The following CCDC178 variants were observed in gnomAD, a reference collection of about 807,000 sequenced individuals.
CCDC178 encodes coiled-coil domain-containing protein 178.
A neutral mutation model predicts 117.4 loss-of-function variants in CCDC178; 126 were observed. That is an observed-to-expected ratio of 1.07 (90% CI 0.93 to 1.24). CCDC178 has a LOEUF of 1.24. Ranked by LOEUF, CCDC178 falls within the 50% of genes most tolerant of loss-of-function variation. The pLI, the probability that CCDC178 is intolerant of heterozygous loss-of-function variation, is 0.00. For synonymous variants in CCDC178, 283 were observed against 313.4 expected (o/e 0.90, Z 1.02); for missense variants, 1,030 against 986.9 (o/e 1.04, Z -0.59).
chr18:33,264,349 A>C (rs9957976), intron 14 of CCDC178, among the ~76,000 whole-genome samples: 25 of 152,066 alleles, frequency 1.6e-4, no homozygotes, highest in African/African-American at 5.8e-4. Context: ...CTTTGTCCTG[A>C]GTTTTAATCT....
chr18:33,427,818 C>T (rs1326969869), intron 2 of CCDC178, among the ~76,000 whole-genome samples: 2 of 152,140 alleles, frequency 1.3e-5, no homozygotes, highest in African/African-American at 4.8e-5. Flanking sequence ...TAAAGAGTGA[C>T]AGGCAATTCA....
At chr18:33,198,627 G>C (rs900874824) in intron 20 of CCDC178, among the ~76,000 whole-genome samples, 5 of 151,976 alleles carry the variant, frequency 3.3e-5, no homozygotes, top group African/African-American at 1.2e-4. Flanking sequence ...CATTTTATGC[G>C]ATTTGTAAAA....
At chr18:33,401,735 C>T (rs894096613) in intron 3 of CCDC178, among the ~76,000 whole-genome samples, 4 of 151,634 alleles carry the variant, frequency 2.6e-5, no homozygotes, top group Admixed American at 2.6e-4. Flanking sequence ...GACAGAAGTT[C>T]AAAGGTAGAT....
At chr18:33,357,016 A>C (rs1599214060) in intron 6 of CCDC178, among the ~76,000 whole-genome samples, 1 of 148,922 alleles carries the variant, frequency 6.7e-6, no homozygotes, top group African/African-American at 2.5e-5. Flanking sequence ...TTTTTTTTTT[A>C]ATGGTGAATT....
At chr18:33,281,097 TATA>T (rs35235042) in intron 12 of CCDC178, among the ~76,000 whole-genome samples, 2 of 145,582 alleles carry the variant, frequency 1.4e-5, no homozygotes, top group African/African-American at 2.6e-5. Flanking sequence ...AAACTTAAAG[TATA>T]ATAATAATAA....
chr18:33,144,748 A>C (rs1436720491), intron 20 of CCDC178, among the ~76,000 whole-genome samples: 1 of 152,208 alleles, frequency 6.6e-6, no homozygotes, highest in Non-Finnish European at 1.5e-5. Context: ...TAAAATGCCT[A>C]AATAACAGAA....
At chr18:33,085,279 T>G (rs1248088544) in intron 21 of CCDC178, among the ~76,000 whole-genome samples, 3 of 152,188 alleles carry the variant, frequency 2.0e-5, no homozygotes, top group Admixed American at 6.5e-5. Context: ...AACGTATTTT[T>G]GGGGCCGGGT....
intron 20 of CCDC178, among the ~76,000 whole-genome samples, chr18:33,185,514 A>G (rs1356169484): frequency 3.3e-5 from 5 of 152,186 alleles, no homozygotes; most frequent in Admixed American, 2.0e-4. Context: ...TAGCTACAGT[A>G]TGAAACCACA....
At chr18:33,213,493 A>G (rs962090781) in intron 19 of CCDC178, among the ~76,000 whole-genome samples, 1 of 151,966 alleles carries the variant, frequency 6.6e-6, no homozygotes, top group African/African-American at 2.4e-5. Flanking sequence ...AATGAAATTC[A>G]CACAGGAAGG....
At chr18:33,301,882 C>CTTTT (rs1240878340) in intron 11 of CCDC178, among the ~76,000 whole-genome samples, 2 of 152,116 alleles carry the variant, frequency 1.3e-5, no homozygotes, top group African/African-American at 4.8e-5. Context: ...TGAGTTAAGA[C>CTTTT]TTTTTTTTAT....
chr18:33,101,714 A>G (rs980700129), intron 20 of CCDC178, among the ~76,000 whole-genome samples: 1 of 151,998 alleles, frequency 6.6e-6, no homozygotes. Flanking sequence ...GTACTGTATA[A>G]ATGCAGAAAT....
chr18:33,109,811 TATC>T (rs1207748540), intron 20 of CCDC178, among the ~76,000 whole-genome samples: 1 of 151,602 alleles, frequency 6.6e-6, no homozygotes, highest in Non-Finnish European at 1.5e-5. Context: ...GTTCATTCAT[TATC>T]ATCACTATAT....
At chr18:32,968,906 A>T (rs2054871328) in intron 22 of CCDC178, among the ~76,000 whole-genome samples, 1 of 151,946 alleles carries the variant, frequency 6.6e-6, no homozygotes, top group Admixed American at 6.6e-5. Context: ...TCATTTACAC[A>T]ATTCTTTTCC....
intron 20 of CCDC178, among the ~76,000 whole-genome samples, chr18:33,120,999 T>C (rs1016629033): frequency 1.1e-4 from 16 of 152,114 alleles, no homozygotes; most frequent in Non-Finnish European, 1.8e-4. Context: ...AAAAGCCATA[T>C]ATGAGTGATA....
intron 20 of CCDC178, among the ~76,000 whole-genome samples, chr18:33,138,457 C>T (rs1304107384): frequency 1.3e-5 from 2 of 152,090 alleles, no homozygotes; most frequent in Admixed American, 6.5e-5. Context: ...CTCCATACAA[C>T]AGTAGTAAGA....
intron 20 of CCDC178, among the ~76,000 whole-genome samples, chr18:33,121,019 G>A (rs1029275416): frequency 7.9e-5 from 12 of 152,082 alleles, no homozygotes; most frequent in African/African-American, 2.9e-4. Context: ...AAGTTGACAC[G>A]AGGTGGACTG....
At chr18:32,968,564 T>C (rs1295687339) in intron 22 of CCDC178, among the ~76,000 whole-genome samples, 2 of 152,024 alleles carry the variant, frequency 1.3e-5, no homozygotes, top group African/African-American at 4.8e-5. Flanking sequence ...GTTTTATTTT[T>C]TGAGGAATCT....
At chr18:33,367,202 G>A (rs75285187) in intron 6 of CCDC178, among the ~76,000 whole-genome samples, 1,974 of 152,178 alleles carry the variant, frequency 0.013, 35 homozygotes, top group African/African-American at 0.045. Context: ...AGCAGGCACA[G>A]AAAGACAAGC....
In CCDC178 at chr18:32,937,965, T is replaced by C. The variant is rs769925051; in HGVS notation, c.*46A>G. 7.0e-7 allele frequency: 1 copy of C among 1,424,854 alleles called. No individual in the cohort carries two copies. The highest frequency in any genetic ancestry group is 1.1e-5 in the South Asian group (1 of 87,082). 88.3% of individuals were successfully genotyped at this position (1,424,854 alleles called of 1,614,324 possible). On this transcript the variant is annotated 3_prime_UTR_variant, in exon 23 of 23. Coordinates refer to ENST00000383096, the MANE Select transcript of CCDC178 (RefSeq NM_001105528.4). ...TACACTGTTATCTGAACTGTGTGAC[T>C]TTTCTTGTCTTTTATTTCAGCATCC...
Sources: allele counts gnomAD v4.1 joint callset (sites outside exome capture counted in the v4.1 genomes callset), GRCh38; gene constraint gnomAD v4.1.1; transcripts MANE v1.5; gene names NCBI Gene and HGNC (gene_info 2026-07-23, HGNC 2026-07-21).